DYTN: variants seen among roughly 807,000 people sequenced by gnomAD.
The protein encoded by DYTN is dystrotelin.
In DYTN, 75 loss-of-function variants were observed where a neutral mutation model predicts 69.6. The observed-to-expected ratio is 1.08, with a 90% CI of 0.89 to 1.31. The LOEUF is 1.31. DYTN is among the 50% of genes most tolerant of loss of function. The pLI is 0.00. For missense variants in DYTN, 726 were observed against 688.4 expected, an observed-to-expected ratio of 1.05 and a Z score of -0.61; for synonymous variants, 252 against 249.1, an observed-to-expected ratio of 1.01 and a Z score of -0.11.
chr2:206,657,882 G>A (rs1699467865), intron 11 of DYTN, among the ~76,000 whole-genome samples: 2 of 152,098 alleles, frequency 1.3e-5, no homozygotes, highest in Non-Finnish European at 1.5e-5. Flanking sequence ...AGGATTCTTG[G>A]ATCTGGACGT....
chr2:206,675,186 TTTAA>T (rs1699672065), intron 9 of DYTN, among the ~76,000 whole-genome samples: 1 of 146,510 alleles, frequency 6.8e-6, no homozygotes, highest in African/African-American at 2.5e-5. Flanking sequence ...TACACATATA[TTTAA>T]ATATATATGT....
intron 9 of DYTN, among the ~76,000 whole-genome samples, chr2:206,676,770 T>C (rs938802944): frequency 3.9e-5 from 6 of 152,172 alleles, no homozygotes; most frequent in Non-Finnish European, 7.3e-5. Flanking sequence ...GATTAGATCT[T>C]GTAGTGTTCT....
intron 9 of DYTN, chr2:206,687,421 C>T (rs997812698): frequency 2.0e-5 from 3 of 152,300 alleles, no homozygotes; most frequent in African/African-American, 7.2e-5. Context: ...TTTTTCTTAT[C>T]AATTTTTCAG....
At chr2:206,677,023 TACA>T (rs1288209605) in intron 9 of DYTN, among the ~76,000 whole-genome samples, 4 of 152,190 alleles carry the variant, frequency 2.6e-5, no homozygotes, top group Admixed American at 2.6e-4. Flanking sequence ...CTAGGCTTAC[TACA>T]GCCTCTGCCT....
At chr2:206,684,497 G>A (rs1356753112) in intron 9 of DYTN, among the ~76,000 whole-genome samples, 2 of 152,042 alleles carry the variant, frequency 1.3e-5, no homozygotes, top group East Asian at 3.9e-4. Flanking sequence ...TAGAGATGGG[G>A]TCTCCCTATG....
chr2:206,687,528 C>A (rs16838568), intron 9 of DYTN, among the ~76,000 whole-genome samples: 12,663 of 152,150 alleles, frequency 0.083, 781 homozygotes, highest in East Asian at 0.21. Flanking sequence ...TTTACCATAA[C>A]AAAATGTTTA....
At position 206,659,162 on chromosome 2, in the gene DYTN, CTCTTTT is replaced by C. The variant is rs869282422; in HGVS notation, c.1633+3735_1633+3740del. ...CTCTTTTCCGTTAAGTTCTCACAGT[CTCTTTT>C]TTTTTTTTTTTTTTTTTTTTTGAGA... On this transcript the variant is annotated intron_variant, in intron 11 of 11. Transcript: ENST00000452335. 1.2e-3 allele frequency among the ~76,000 whole-genome samples: 145 copies of C among 123,506 alleles called. 1 individual carries two copies. The highest frequency in any genetic ancestry group is 4.1e-3 in the Middle Eastern group (1 of 242). The allele number at this position is 123,506 out of a possible 152,430, so 81.0% of individuals were successfully genotyped here. A position where few individuals can be genotyped will look rare whatever the true frequency, so the allele number is the denominator to read the frequency against.
chr2:206,716,379 T>C (rs532382721), intron 1 of DYTN, among the ~76,000 whole-genome samples: 1 of 152,130 alleles, frequency 6.6e-6, no homozygotes, highest in Non-Finnish European at 1.5e-5. Context: ...TGTATATCCA[T>C]CCAACAGTCA....
intron 5 of DYTN, among the ~76,000 whole-genome samples, chr2:206,701,514 T>A (rs192646204): frequency 6.6e-6 from 1 of 152,208 alleles, no homozygotes; most frequent in Non-Finnish European, 1.5e-5. Context: ...GAGGACAATA[T>A]GCTAAATGAA....
intron 3 of DYTN, among the ~76,000 whole-genome samples, chr2:206,707,067 A>G (rs1026480758): frequency 2.0e-5 from 3 of 152,248 alleles, no homozygotes; most frequent in African/African-American, 7.2e-5. Context: ...TCTGAAGGAA[A>G]GAATAATGTG....
intron 10 of DYTN, 36 bp from the exon 11 acceptor site, chr2:206,663,431 T>C (rs368416895): frequency 1.0e-4 from 153 of 1,520,888 alleles, no homozygotes; most frequent in Middle Eastern, 3.5e-4. Flanking sequence ...AAGAAATTAA[T>C]GTTTATCTTA....
intron 1 of DYTN, among the ~76,000 whole-genome samples, chr2:206,717,489 T>C (rs1276341641): frequency 6.6e-6 from 1 of 152,194 alleles, no homozygotes; most frequent in Non-Finnish European, 1.5e-5. Context: ...CAGGTGATTC[T>C]GATGCATGCT....
At chr2:206,705,419 G>A (rs1424253186) in intron 4 of DYTN, among the ~76,000 whole-genome samples, 2 of 152,118 alleles carry the variant, frequency 1.3e-5, no homozygotes, top group African/African-American at 4.8e-5. Context: ...TGTAATAACC[G>A]TAATTTGATA....
chr2:206,710,247 T>C (rs1366175110), intron 2 of DYTN, among the ~76,000 whole-genome samples: 2 of 152,232 alleles, frequency 1.3e-5, no homozygotes, highest in Non-Finnish European at 1.5e-5. Context: ...CCAAAAACAT[T>C]TTCTAGAAGA....
At chr2:206,689,343 A>T (rs115490723) in intron 9 of DYTN, among the ~76,000 whole-genome samples, 1 of 152,176 alleles carries the variant, frequency 6.6e-6, no homozygotes, top group Non-Finnish European at 1.5e-5. Context: ...GTGCCAACAT[A>T]ATAGATATCA....
intron 9 of DYTN, among the ~76,000 whole-genome samples, chr2:206,680,626 A>G (rs950882124): frequency 2.0e-5 from 3 of 152,186 alleles, no homozygotes; most frequent in Non-Finnish European, 4.4e-5. Flanking sequence ...GTAATCCTAC[A>G]TATTCCACCA....
intron 11 of DYTN, among the ~76,000 whole-genome samples, chr2:206,660,605 C>T (rs1186865513): frequency 1.3e-5 from 2 of 152,190 alleles, no homozygotes; most frequent in African/African-American, 4.8e-5. Context: ...ATTGACTTCG[C>T]TTTGAATACT....
Position 206,663,378 on chromosome 2 carries a change from G to A in DYTN, c.1158C>T (p.Pro386=), listed in dbSNP as rs1338434573. The A allele has an allele frequency of 5.0e-6, 8 of 1,597,726 alleles. No individual in the cohort carries two copies. The highest frequency in any genetic ancestry group is 3.5e-5 in the Admixed American group (2 of 57,058). Residue 386 remains proline (P), a synonymous_variant, in exon 11 of 12, where the codon CCC becomes CCT. Coordinates refer to ENST00000452335, the MANE Select transcript of DYTN (RefSeq NM_001093730.1). ...TTTGAAAGGAAGAAGATGAAGGACC[G>A]GGTGGCTGCAACCTTGCCTGGGGAA... ...RRDLQARLQP[P]GPSSSSFQNV... is the part of the protein sequence containing the mutation.
intron 7 of DYTN, among the ~76,000 whole-genome samples, chr2:206,696,580 A>G (rs1027738221): frequency 2.0e-5 from 3 of 152,256 alleles, no homozygotes; most frequent in Non-Finnish European, 2.9e-5. Flanking sequence ...TCAGGTATTC[A>G]TACGATTACC....
Sources: allele counts gnomAD v4.1 joint callset (sites outside exome capture counted in the v4.1 genomes callset), GRCh38; gene constraint gnomAD v4.1.1; transcripts MANE v1.5; gene names NCBI Gene and HGNC (gene_info 2026-07-23, HGNC 2026-07-21).